Variants in TTN observed in about 807,000 individuals in gnomAD.
The protein encoded by TTN is titin.
A neutral mutation model predicts 3,223.0 loss-of-function variants in TTN; 1,525 were observed. The observed-to-expected ratio is 0.47, with a 90% confidence interval of 0.45 to 0.49. The LOEUF (loss-of-function observed/expected upper bound fraction) is 0.49. Among genes scored for constraint, TTN ranks in the 20% least tolerant of loss-of-function variants. TTN has a pLI of 0.00. For synonymous variants in TTN, 14,094 were observed against 15,161.0 expected (o/e 0.93, Z 5.17); for missense variants, 40,786 against 43,424.0 (o/e 0.94, Z 5.40).
chr2:178,728,064 G>T, intron 67 of TTN, 46 bp downstream of exon 67: 1 of 1,502,336 alleles, frequency 6.7e-7, no homozygotes, highest in Non-Finnish European at 8.9e-7. Context: ...ATACATTTAA[G>T]AAGCATTCGC....
intron 240 of TTN, among the ~76,000 whole-genome samples, chr2:178,628,100 G>A (rs958126737): frequency 6.6e-6 from 1 of 152,074 alleles, no homozygotes; most frequent in Non-Finnish European, 1.5e-5. Flanking sequence ...AGGAGACCAA[G>A]AAGATCTTAT....
At position 178,712,546 on chromosome 2, in the gene TTN, C is replaced by T; in HGVS notation, c.27376G>A (p.Gly9126Arg). The T allele has an allele frequency of 6.2e-7, 1 of 1,613,406 alleles. No homozygotes were observed. Among genetic ancestry groups the T allele is most frequent in the South Asian group, 1.1e-5 (1 of 91,052 alleles). ...GTACCCTCTAGGATCAGGGGTTTTC[C>T]TTTCTCTATGCTGTAATCATTCAGC... ...KRLNDYSIEK[G>R]KPLILEGTFT... is the part of the protein sequence containing the mutation. Residue 9126 changes from glycine (G) to arginine (R), a missense_variant, in exon 95 of 363, where the codon GGA becomes AGA. Gly to Arg is a moderately radical substitution (Grantham distance 125). Coordinates refer to ENST00000589042, the MANE Select transcript of TTN (RefSeq NM_001267550.2).
intron 86 of TTN, 24 bp downstream of exon 86, chr2:178,717,919 C>T (rs1055910286): frequency 3.1e-6 from 5 of 1,603,292 alleles, no homozygotes; most frequent in Admixed American, 3.4e-5. Context: ...TGTTCACACA[C>T]ACTAGGTTAA....
intron 199 of TTN, 40 bp from the exon 200 acceptor site, chr2:178,652,971 G>A: frequency 1.1e-5 from 18 of 1,600,788 alleles, no homozygotes; most frequent in Non-Finnish European, 1.4e-5. Context: ...GAAGTTTGAA[G>A]ACCACTAGAA....
At position 178,740,234 on chromosome 2, in the gene TTN, T is replaced by C. The variant is rs998243378; in HGVS notation, c.12999A>G (p.Ala4333=). ...TGAGCAGTACCTGCTTTTCTTCAAG[T>C]GCTAGTGGAAATCTTAAGGACTTGC... ...EEGKSLRFPL[A]LEEKQVLLKE... Residue 4333 remains alanine, a synonymous_variant, in exon 48 of 363, where the codon GCA becomes GCG. Transcript: ENST00000589042. 15 of 1,613,572 alleles carry C rather than the reference T, an allele frequency of 9.3e-6. No individual in the cohort carries two copies. The highest frequency in any genetic ancestry group is 2.2e-5 in the East Asian group (1 of 44,876).
Position 178,580,572 on chromosome 2 carries a change from C to T in TTN, c.66807G>A (p.Lys22269=). 6.2e-7 allele frequency: 1 copy of T among 1,612,036 alleles called. No homozygotes were observed. The highest frequency in any genetic ancestry group is 8.5e-7 in the Non-Finnish European group (1 of 1,179,090). The change falls in exon 317 of 363, where the codon AAG becomes AAA. Residue 22269 remains lysine (K), a synonymous_variant. Coordinates refer to ENST00000589042, the MANE Select transcript of TTN (RefSeq NM_001267550.2). ...TAACTCCAGCACGTAATATGAGTGT[C>T]TTCCTTAAGTCCGCATCAAGTTCTC... ...PEGELDADLR[K]TLILRAGVTM... is the part of the protein sequence containing the mutation.
In TTN at chr2:178,528,882, T is replaced by G; in HGVS notation, c.106869A>C (p.Arg35623Ser). The change falls in exon 360 of 363, where the codon AGA becomes AGC. Residue 35623 changes from arginine (R) to serine (S), a missense_variant. Physicochemically the swap from Arg to Ser is moderately radical, Grantham distance 110. Coordinates refer to ENST00000589042, the MANE Select transcript of TTN (RefSeq NM_001267550.2). Reference protein sequence around the residue: ...STQMSINEGQRLVLKANIAGA... With the variant: ...STQMSINEGQSLVLKANIAGA... ...CAGCAATGTTGGCTTTTAAAACCAG[T>G]CTTTGACCTTCGTTTATGCTCATCT... 6.2e-7 allele frequency: 1 copy of G among 1,614,022 alleles called. No homozygotes were observed. Among genetic ancestry groups the G allele is most frequent in the Non-Finnish European group, 8.5e-7 (1 of 1,179,888 alleles).
intron 102 of TTN, among the ~76,000 whole-genome samples, chr2:178,705,754 GATTTA>G (rs1344777006): frequency 1.3e-5 from 2 of 152,070 alleles, no homozygotes; most frequent in Non-Finnish European, 2.9e-5. Flanking sequence ...ATTGAGTGTG[GATTTA>G]ATTTAATAAT....
At chr2:178,694,380 A>AT (rs2154281678) in intron 117 of TTN, 2 of 463,218 alleles carry the variant, frequency 4.3e-6, no homozygotes, top group East Asian at 6.7e-5. Context: ...CTTCTTTATA[A>AT]TAAAAAAATG....
rs727504880 is a variant in TTN, at chr2:178,678,148, T to C, written c.33971A>G (p.Lys11324Arg). The change falls in exon 145 of 363, where the codon AAA (lysine) becomes AGA (arginine). Residue 11324 changes from lysine to arginine, a missense_variant. Coordinates refer to ENST00000589042, the MANE Select transcript of TTN (RefSeq NM_001267550.2). ...ACCTTTGGGTGGTGGTGCTTCCACT[T>C]TTTTCGGAACAGGTGTTGGTTTCTT... Reference protein sequence around the residue: ...EEKKPTPVPKKVEAPPPKVPK... With the variant: ...EEKKPTPVPKRVEAPPPKVPK... 5.0e-6 allele frequency: 8 copies of C among 1,611,302 alleles called. No homozygotes were observed. The highest frequency in any genetic ancestry group is 6.8e-6 in the Non-Finnish European group (8 of 1,178,948).
chr2:178,715,870 T>C, intron 88 of TTN, 96 bp from the exon 89 acceptor site: 3 of 1,276,092 alleles, frequency 2.4e-6, no homozygotes, highest in Non-Finnish European at 3.1e-6. Flanking sequence ...AGAGAGGTCT[T>C]TAGCTCTGGA....
intron 292 of TTN, 40 bp from the exon 293 acceptor site, chr2:178,598,098 C>G: frequency 6.3e-7 from 1 of 1,585,518 alleles, no homozygotes; most frequent in Non-Finnish European, 8.6e-7. Flanking sequence ...TAGAATAGTT[C>G]TTTGTAGCTT....
chr2:178,723,738 C>A, intron 73 of TTN, 42 bp from the exon 74 acceptor site: 1 of 1,529,932 alleles, frequency 6.5e-7, no homozygotes, highest in East Asian at 2.3e-5. Flanking sequence ...CTGTAAGCTT[C>A]AGATGGAGTT....
intron 282 of TTN, 32 bp downstream of exon 282, chr2:178,603,844 A>G: frequency 6.6e-7 from 1 of 1,518,866 alleles, no homozygotes; most frequent in Non-Finnish European, 8.9e-7. Flanking sequence ...TGTGCTTTAG[A>G]AATTAGTCCC....
In TTN at chr2:178,537,127, C is replaced by T. The variant is rs372302484; in HGVS notation, c.99982G>A (p.Val33328Met). Residue 33328 changes from valine (V) to methionine (M), a missense_variant, in exon 356 of 363, where the codon GTG becomes ATG. Coordinates refer to ENST00000589042, the MANE Select transcript of TTN (RefSeq NM_001267550.2). ...CCCTCCTTGGCCTCACATTTTTCCA[C>T]CACATAGTTGGTGATCCAGGAGCCT... ...DGGSWITNYV[V>M]EKCEAKEGAE... 36 of 1,613,364 alleles carry T rather than the reference C, an allele frequency of 2.2e-5. No individual in the cohort carries two copies. In the African/African-American group the frequency reaches 4.8e-4, roughly 22 times the overall value.
rs928165527 is a variant in TTN, at chr2:178,675,374, AGGAAGAAATG to A, written c.34538-271_34538-262del. The stretch of plus-strand genomic sequence containing the variant: ...TTTCTTTTGTCTTTTTTTTTTTTGT[AGGAAGAAATG>A]GGTATGAAGAAATGGGTATTTCAGG... On this transcript the variant is annotated intron_variant, in intron 149 of 362. Transcript: ENST00000589042. 368 of 363,444 alleles carry A rather than the reference AGGAAGAAATG, an allele frequency of 1.0e-3. 2 individuals carry two copies. The South Asian group carries it at 0.01, about 10-fold the overall frequency. The allele number at this position is 363,444 out of a possible 1,614,324, so 22.5% of individuals were successfully genotyped here.
chr2:178,620,842 G>A lies in TTN; in HGVS notation c.45768C>T (p.Leu15256=). The change falls in exon 247 of 363, where the codon CTC becomes CTT. Residue 15256 remains leucine, a synonymous_variant. Coordinates refer to ENST00000589042, the MANE Select transcript of TTN (RefSeq NM_001267550.2). ...AIFDSSKYII[L]QKDLVYTLRI... ...TGAGGGTGTAGACTAGGTCTTTTTG[G>A]AGAATGATGTATTTTGAACTATCAA... is the stretch of plus-strand genomic sequence containing the variant. The A allele has an allele frequency of 6.2e-7, 1 of 1,612,484 alleles. No individual in the cohort carries two copies. The highest frequency in any genetic ancestry group is 8.5e-7 in the Non-Finnish European group (1 of 1,179,098).
Position 178,543,985 on chromosome 2 carries a change from A to C in TTN, c.96159T>G (p.Ile32053Met), listed in dbSNP as rs906167122. ...CAATAATTGCCCGGCTTGCAAGGTC[A>C]ATGCCCTGCTTGCTCCACGTTATGA... ...PPVITWSKQG[I>M]DLASRAIIDT... is the part of the protein sequence containing the mutation. The change falls in exon 346 of 363, where the codon ATT becomes ATG. Residue 32053 changes from isoleucine to methionine, a missense_variant. Coordinates refer to ENST00000589042, the MANE Select transcript of TTN (RefSeq NM_001267550.2). 5.0e-6 allele frequency: 8 copies of C among 1,613,538 alleles called. No individual in the cohort carries two copies. Among genetic ancestry groups the C allele is most frequent in the Non-Finnish European group, 6.8e-6 (8 of 1,179,710 alleles).
In TTN at chr2:178,575,160, G is replaced by A; in HGVS notation, c.70972C>T (p.Leu23658Phe). 6.2e-7 allele frequency: 1 copy of A among 1,612,696 alleles called. No homozygotes were observed. The highest frequency in any genetic ancestry group is 1.1e-5 in the South Asian group (1 of 90,954). The change falls in exon 326 of 363, where the codon CTC (leucine) becomes TTC (phenylalanine). Residue 23658 changes from leucine to phenylalanine, a missense_variant. Transcript: ENST00000589042. This position sits in a 1 kb window ranked among gnomAD's most constrained non-coding sequence, Gnocchi z 4.0. ...GTCACTGTGGGCTTCGGTCGACCGA[G>A]CACTGGAATTTCAACTTTGATGTTG... is the stretch of plus-strand genomic sequence containing the variant. ...GDNIKVEIPV[L>F]GRPKPTVTWK...
Sources: gnomAD v4.1 joint callset for allele counts (sites outside exome capture counted in the v4.1 genomes callset) on GRCh38, gnomAD v4.1.1 for gene constraint, Gnocchi (gnomAD v3.1) non-coding constraint, MANE v1.5 for transcripts, NCBI Gene and HGNC (gene_info 2026-07-23, HGNC 2026-07-21) for gene names.